The following PCDHGB3 variants were observed in gnomAD, a reference collection of about 807,000 sequenced individuals.
The protein encoded by PCDHGB3 is protocadherin gamma subfamily B, 3, also known as protocadherin gamma-B3.
PCDHGB3 carries 40 observed loss-of-function variants against 59.2 expected under a neutral mutation model. The ratio of observed to expected loss-of-function variants is 0.68; its 90% CI spans 0.52 to 0.88. PCDHGB3 has a LOEUF of 0.88. PCDHGB3 is among the 40% of genes least tolerant of loss of function. The pLI is 0.00. For missense variants in PCDHGB3, 1,309 were observed against 1,187.9 expected (o/e 1.10, Z -1.50); for synonymous variants, 581 against 503.6 (o/e 1.15, Z -2.06).
At chr5:141,394,696 C>G (rs1006890229) in intron 1 of PCDHGB3, 1 of 1,612,928 alleles carries the variant, frequency 6.2e-7, no homozygotes, top group African/African-American at 1.3e-5. Context: ...GAGGTGCGCA[C>G]GGCGCGAGCC....
At position 141,430,974 on chromosome 5, in the gene PCDHGB3, C is replaced by T. The variant is rs141488923; in HGVS notation, c.2415+58165C>T. The T allele has an allele frequency of 7.0e-4, 1,130 of 1,613,070 alleles. 8 individuals carry two copies. In the African/African-American group the frequency reaches 0.014, roughly 19 times the overall value. On this transcript the variant is annotated intron_variant, in intron 1 of 3. Transcript: ENST00000576222. ...GTCCGCATCATCCCCAGAGGTAGGA[C>T]GCAGCTTTTCGCCCTGAATCCGCGC...
At chr5:141,426,625 A>G (rs770683989) in intron 1 of PCDHGB3, 29 of 394,754 alleles carry the variant, frequency 7.3e-5, no homozygotes, top group South Asian at 7.2e-5. Context: ...AATCCTCTAA[A>G]TGTTTTTCAC....
intron 1 of PCDHGB3, chr5:141,399,539 G>A (rs1324095299): frequency 1.2e-6 from 2 of 1,614,050 alleles, no homozygotes; most frequent in Non-Finnish European, 1.7e-6. Flanking sequence ...GCGCAAGTCT[G>A]CGCCTCGGAC....
At chr5:141,470,957 TCCTCCCACCTCAG>T (rs2099244488) in intron 1 of PCDHGB3, among the ~76,000 whole-genome samples, 1 of 152,026 alleles carries the variant, frequency 6.6e-6, no homozygotes, top group South Asian at 2.1e-4. Flanking sequence ...CCTCAAGTGA[TCCTCCCACCTCAG>T]CCTCCCAAAG....
At chr5:141,406,044 G>A (rs1473314165) in intron 1 of PCDHGB3, among the ~76,000 whole-genome samples, 1 of 151,228 alleles carries the variant, frequency 6.6e-6, no homozygotes, top group Non-Finnish European at 1.5e-5. Flanking sequence ...ATTGGTTGCA[G>A]TGGACTCATA....
intron 1 of PCDHGB3, chr5:141,399,794 C>T (rs2093888579): frequency 1.9e-6 from 3 of 1,613,268 alleles, no homozygotes; most frequent in Middle Eastern, 1.7e-4. Flanking sequence ...GACAACGCAC[C>T]GCGGGTGCTG....
chr5:141,413,398 A>G lies in PCDHGB3; in HGVS notation c.2415+40589A>G, dbSNP rs780416951. The G allele has an allele frequency of 1.9e-5, 30 of 1,613,944 alleles. No homozygotes were observed. Among genetic ancestry groups the G allele is most frequent in the African/African-American group, 4.0e-5 (3 of 74,960 alleles). Reference sequence around the variant, plus strand: ...CGGAGTCCGCATAGTCTCCAGAGGTAGGACGCAGCTTTTCTCTCTGAACCC... The same window carrying G: ...CGGAGTCCGCATAGTCTCCAGAGGTGGGACGCAGCTTTTCTCTCTGAACCC... On this transcript the variant is annotated intron_variant, in intron 1 of 3. Transcript: ENST00000576222.
Position 141,371,956 on chromosome 5 carries a change from A to G in PCDHGB3, c.1562A>G (p.Asp521Gly), listed in dbSNP as rs1410520873. The change falls in exon 1 of 4, where the codon GAC becomes GGC. Residue 521 changes from aspartate (D) to glycine (G), a missense_variant. Asp to Gly is a moderately conservative substitution (Grantham distance 94). Transcript: ENST00000576222. ...SGVVFAQRAF[D>G]HEQLRAFELT... ...GTGGTGTTCGCGCAGCGAGCCTTCG[A>G]CCACGAGCAGCTGCGTGCCTTCGAG... The G allele has an allele frequency of 6.2e-7, 1 of 1,613,272 alleles. No homozygotes were observed. Among genetic ancestry groups the G allele is most frequent in the South Asian group, 1.1e-5 (1 of 91,072 alleles).
At chr5:141,415,023 C>A (rs1213037511) in intron 1 of PCDHGB3, 1 of 1,613,530 alleles carries the variant, frequency 6.2e-7, no homozygotes, top group East Asian at 2.2e-5. Flanking sequence ...TCAAGGCCAG[C>A]GAGCCGGGAC....
chr5:141,393,896 T>C lies in PCDHGB3; in HGVS notation c.2415+21087T>C, dbSNP rs754023896. 3.1e-6 allele frequency: 5 copies of C among 1,613,942 alleles called. No homozygotes were observed. In the East Asian group the frequency reaches 1.1e-4, roughly 36 times the overall value. On this transcript the variant is annotated intron_variant, in intron 1 of 3. Coordinates refer to ENST00000576222, the MANE Select transcript of PCDHGB3 (RefSeq NM_018924.5). Reference sequence around the variant, plus strand: ...TTAGCCCAGTGTTAGAAAATTCTCTTCCCGGGACAGTAATTGCCTTCTTGA... The same window carrying C: ...TTAGCCCAGTGTTAGAAAATTCTCTCCCCGGGACAGTAATTGCCTTCTTGA...
intron 1 of PCDHGB3, chr5:141,415,317 G>T (rs778236674): frequency 6.2e-7 from 1 of 1,614,218 alleles, no homozygotes; most frequent in Non-Finnish European, 8.5e-7. Flanking sequence ...TCGTCATCGT[G>T]CTGCTGGCGC....
Position 141,388,997 on chromosome 5 carries a change from C to G in PCDHGB3, c.2415+16188C>G. On this transcript the variant is annotated intron_variant, in intron 1 of 3. Transcript: ENST00000576222. ...ATATTGCTTTGCTCAAAGTCCGTGA[C>G]AAGGATTCCAGACACAATGGAGAAG... The G allele has an allele frequency of 1.9e-6, 3 of 1,613,968 alleles. No individual in the cohort carries two copies. The highest frequency in any genetic ancestry group is 2.5e-6 in the Non-Finnish European group (3 of 1,179,880).
intron 1 of PCDHGB3, among the ~76,000 whole-genome samples, chr5:141,436,923 T>C (rs2097854286): frequency 6.6e-6 from 1 of 152,224 alleles, no homozygotes; most frequent in African/African-American, 2.4e-5. Flanking sequence ...GAGTGTTACT[T>C]TTTCTTTGTC....
chr5:141,403,666 T>C (rs2094439937), intron 1 of PCDHGB3: 1 of 1,613,926 alleles, frequency 6.2e-7, no homozygotes, highest in Non-Finnish European at 8.5e-7. Context: ...CAAATGATAA[T>C]GCCCCGGTTT....
At position 141,403,267 on chromosome 5, in the gene PCDHGB3, C is replaced by T. The variant is rs767670942; in HGVS notation, c.2415+30458C>T. On this transcript the variant is annotated intron_variant, in intron 1 of 3. Transcript: ENST00000576222. ...CTCAGAGCCCGCGGTGTCTGGTGAA[C>T]TTTAAAGTCCTGGTTGAAGACAGAG... is the stretch of plus-strand genomic sequence containing the variant. 4.4e-5 allele frequency: 71 copies of T among 1,613,770 alleles called. No homozygotes were observed. Among genetic ancestry groups the T allele is most frequent in the Non-Finnish European group, 5.8e-5 (69 of 1,179,916 alleles).
Position 141,371,934 on chromosome 5 carries a change from G to T in PCDHGB3, c.1540G>T (p.Val514Leu), listed in dbSNP as rs1024560538. The change falls in exon 1 of 4, where the codon GTG (valine) becomes TTG (leucine). Residue 514 changes from valine (V) to leucine (L), a missense_variant. By Grantham distance (32) the Val-to-Leu change is conservative. Coordinates refer to ENST00000576222, the MANE Select transcript of PCDHGB3 (RefSeq NM_018924.5). The stretch of plus-strand genomic sequence containing the variant: ...GTCCGTGAGCGCGCGGAGCGGGGTG[G>T]TGTTCGCGCAGCGAGCCTTCGACCA... ...YVSVSARSGVVFAQRAFDHEQ... is the reference protein window; with the variant it reads ...YVSVSARSGVLFAQRAFDHEQ... The T allele has an allele frequency of 3.1e-6, 5 of 1,613,324 alleles. No individual in the cohort carries two copies. In the Admixed American group the frequency reaches 8.3e-5, roughly 27 times the overall value.
chr5:141,466,121 C>CA (rs908379481), intron 1 of PCDHGB3, among the ~76,000 whole-genome samples: 24 of 146,876 alleles, frequency 1.6e-4, no homozygotes, highest in East Asian at 8.0e-4. Context: ...GACTCCAGCT[C>CA]AAAAAAAAAA....
Position 141,439,440 on chromosome 5 carries a change from A to T in PCDHGB3, c.2416-55367A>T, listed in dbSNP as rs147662506. 1.4e-3 allele frequency among the ~76,000 whole-genome samples: 212 copies of T among 152,330 alleles called. 1 individual carries two copies. The highest frequency in any genetic ancestry group is 4.8e-3 in the African/African-American group (198 of 41,576). On this transcript the variant is annotated intron_variant, in intron 1 of 3. Transcript: ENST00000576222. Reference sequence around the variant, plus strand: ...GGTTATAAATTCCCAGGAATATTTTATTGCGGGAGCAAGACTGCACTGCTG... The same window carrying T: ...GGTTATAAATTCCCAGGAATATTTTTTTGCGGGAGCAAGACTGCACTGCTG...
At chr5:141,452,134 T>C (rs539377216) in intron 1 of PCDHGB3, among the ~76,000 whole-genome samples, 2 of 152,344 alleles carry the variant, frequency 1.3e-5, no homozygotes, top group South Asian at 2.1e-4. Flanking sequence ...ATATGGCTCA[T>C]GTGTTTTTTC....
Sources: allele counts gnomAD v4.1 joint callset (sites outside exome capture counted in the v4.1 genomes callset), GRCh38; gene constraint gnomAD v4.1.1; transcripts MANE v1.5; gene names NCBI Gene and HGNC (gene_info 2026-07-23, HGNC 2026-07-21).